The following RGL1 variants were observed in gnomAD, a reference collection of about 807,000 sequenced individuals.
RGL1 encodes ral guanine nucleotide dissociation stimulator-like 1.
A neutral mutation model predicts 95.2 loss-of-function variants in RGL1; 24 were observed. The ratio of observed to expected loss-of-function variants is 0.25; its 90% CI spans 0.18 to 0.35. RGL1 has a LOEUF of 0.35. RGL1 is among the 10% of genes least tolerant of loss of function. The pLI is 1.00. For missense variants in RGL1, 715 were observed against 936.3 expected (o/e 0.76, Z 3.08); for synonymous variants, 329 against 344.9 (o/e 0.95, Z 0.51).
intron 2 of RGL1, among the ~76,000 whole-genome samples, chr1:183,742,545 A>G (rs1399567456): frequency 6.6e-6 from 1 of 152,228 alleles, no homozygotes; most frequent in Non-Finnish European, 1.5e-5. Context: ...TCATATGCAT[A>G]TAATCTGCAC....
At position 183,927,435 on chromosome 1, in the gene RGL1, A is replaced by G. The variant is rs1044340869; in HGVS notation, c.*1143A>G. The G allele has an allele frequency of 1.3e-5, 2 of 152,202 alleles. No individual in the cohort carries two copies. Among genetic ancestry groups the G allele is most frequent in the African/African-American group, 4.8e-5 (2 of 41,404 alleles). 9.4% of individuals were successfully genotyped at this position (152,202 alleles called of 1,614,324 possible). A position where few individuals can be genotyped will look rare whatever the true frequency, so the allele number is the denominator to read the frequency against. On this transcript the variant is annotated 3_prime_UTR_variant, in exon 18 of 18. Transcript: ENST00000360851. The stretch of plus-strand genomic sequence containing the variant: ...TGTTCCCTGCTGATAACAGCATCCT[A>G]TTTTACTTACTTTTATAGCATTACT...
intron 2 of RGL1, among the ~76,000 whole-genome samples, chr1:183,816,050 G>C (rs1280522170): frequency 2.6e-5 from 4 of 152,136 alleles, no homozygotes; most frequent in Non-Finnish European, 5.9e-5. Flanking sequence ...AATCATGGCA[G>C]GGTTTAGTAA....
chr1:183,678,068 G>T (rs1355918594), intron 1 of RGL1, among the ~76,000 whole-genome samples: 1 of 152,136 alleles, frequency 6.6e-6, no homozygotes, highest in Admixed American at 6.5e-5. Context: ...AACTATTAAA[G>T]CAGATGTGGA....
intron 1 of RGL1, among the ~76,000 whole-genome samples, chr1:183,708,082 T>C (rs879571773): frequency 1.3e-5 from 2 of 152,140 alleles, no homozygotes; most frequent in Admixed American, 1.3e-4. Context: ...TTGTGGGCCA[T>C]TTGGACCTGT....
chr1:183,647,405 A>G, intron 1 of RGL1: 1 of 279,332 alleles, frequency 3.6e-6, no homozygotes, highest in Non-Finnish European at 6.6e-6. Flanking sequence ...CCTTTTCTGC[A>G]TCAAAATATT....
intron 2 of RGL1, among the ~76,000 whole-genome samples, chr1:183,777,783 G>C (rs539425885): frequency 2.0e-4 from 31 of 152,118 alleles, no homozygotes; most frequent in Non-Finnish European, 4.0e-4. Context: ...AAAGTTCCTG[G>C]CCATTAGCTT....
chr1:183,843,183 A>G (rs1215203177), intron 2 of RGL1, among the ~76,000 whole-genome samples: 2 of 152,232 alleles, frequency 1.3e-5, no homozygotes, highest in Non-Finnish European at 2.9e-5. Context: ...ATTTTGTGTG[A>G]GAATGATTGT....
rs368527165 is a variant in RGL1 at position 183,883,819 on chromosome 1, A to G, written c.644A>G (p.Glu215Gly). The part of the protein sequence containing the change: ...GLPNTISFSL[E>G]EEEELEGGES... ...CCCAACACGATCTCCTTCAGCCTGG[A>G]AGAGGAAGAGGAACTGGAGGGTGGA... Residue 215 changes from glutamate (E) to glycine (G), a missense_variant, in exon 6 of 18, where the codon GAA becomes GGA. Coordinates refer to ENST00000360851, the MANE Select transcript of RGL1 (RefSeq NM_001297671.3). 5.6e-6 allele frequency: 9 copies of G among 1,614,054 alleles called. No individual in the cohort carries two copies. The highest frequency in any genetic ancestry group is 7.6e-6 in the Non-Finnish European group (9 of 1,179,894).
chr1:183,925,938 G>A (rs1397245887), intron 17 of RGL1, among the ~76,000 whole-genome samples, 167 bp from the exon 18 acceptor site: 1 of 152,144 alleles, frequency 6.6e-6, no homozygotes. Context: ...AGAAGCTGGG[G>A]CCAATTTTTG....
chr1:183,712,737 A>G (rs999410447), intron 1 of RGL1, among the ~76,000 whole-genome samples: 12 of 152,224 alleles, frequency 7.9e-5, no homozygotes, highest in African/African-American at 2.9e-4. Context: ...GTCGAGAATG[A>G]TAGTCTCATA....
chr1:183,662,805 C>T (rs1361401926), intron 1 of RGL1, among the ~76,000 whole-genome samples: 1 of 152,148 alleles, frequency 6.6e-6, no homozygotes, highest in East Asian at 1.9e-4. Context: ...TACCTGAGTT[C>T]AAACTATACT....
At chr1:183,650,403 T>C (rs371536097) in intron 1 of RGL1, among the ~76,000 whole-genome samples, 9 of 151,930 alleles carry the variant, frequency 5.9e-5, no homozygotes, top group East Asian at 3.9e-4. Context: ...ATTAGCCAGG[T>C]GTGGTGGCAT....
chr1:183,901,229 G>A (rs983702741), intron 11 of RGL1, among the ~76,000 whole-genome samples: 15 of 152,098 alleles, frequency 9.9e-5, no homozygotes, highest in African/African-American at 3.6e-4. Flanking sequence ...AACCCGAGAG[G>A]CGGAGGTTGC....
At chr1:183,682,071 A>G (rs1653255402) in intron 1 of RGL1, among the ~76,000 whole-genome samples, 1 of 152,158 alleles carries the variant, frequency 6.6e-6, no homozygotes, top group African/African-American at 2.4e-5. Flanking sequence ...ATTCTTTAAT[A>G]GTCTGGCTAG....
intron 2 of RGL1, among the ~76,000 whole-genome samples, chr1:183,825,675 C>G (rs1327278876): frequency 6.6e-6 from 1 of 152,162 alleles, no homozygotes. Flanking sequence ...ATTCTGAATG[C>G]ATAACAAAGT....
chr1:183,906,868 G>A (rs537003758), intron 13 of RGL1, 144 bp from the exon 14 acceptor site: 16 of 634,882 alleles, frequency 2.5e-5, no homozygotes, highest in African/African-American at 1.8e-4. Flanking sequence ...ACCCCCTGAC[G>A]TTTATGATAG....
At chr1:183,896,952 A>T (rs1048672917) in intron 9 of RGL1, among the ~76,000 whole-genome samples, 4 of 152,210 alleles carry the variant, frequency 2.6e-5, no homozygotes, top group Admixed American at 2.0e-4. Flanking sequence ...TGGATTGGTC[A>T]TGTAGTACAA....
intron 1 of RGL1, among the ~76,000 whole-genome samples, chr1:183,723,021 T>C (rs1656100280): frequency 6.6e-6 from 1 of 151,820 alleles, no homozygotes; most frequent in Non-Finnish European, 1.5e-5. Context: ...GAAAGTAAAA[T>C]ACATGACAAC....
At position 183,892,034 on chromosome 1, in the gene RGL1, C is replaced by T. The variant is rs772567748; in HGVS notation, c.1056-43C>T. On this transcript the variant is annotated intron_variant, in intron 8 of 17. Coordinates refer to ENST00000360851, the MANE Select transcript of RGL1 (RefSeq NM_001297671.3). ...GCTGGGCCAAAAGTGTCGGGTTATT[C>T]CTAACTCTTCATTGTTAATATTTTC... is the stretch of plus-strand genomic sequence containing the variant. 2.0e-6 allele frequency: 3 copies of T among 1,503,096 alleles called. No individual in the cohort carries two copies. In the Admixed American group the frequency reaches 5.1e-5, roughly 25 times the overall value. The allele number at this position is 1,503,096 out of a possible 1,614,324, so 93.1% of individuals were successfully genotyped here. A position where few individuals can be genotyped will look rare whatever the true frequency, so the allele number is the denominator to read the frequency against.
Sources: allele counts gnomAD v4.1 joint callset (sites outside exome capture counted in the v4.1 genomes callset), GRCh38; gene constraint gnomAD v4.1.1; transcripts MANE v1.5; gene names NCBI Gene and HGNC (gene_info 2026-07-23, HGNC 2026-07-21).